The following SLC20A2 variants were observed in gnomAD, a reference collection of about 807,000 sequenced individuals.
SLC20A2 encodes sodium-dependent phosphate transporter 2.
A neutral mutation model predicts 61.0 loss-of-function variants in SLC20A2; 30 were observed. That is an observed-to-expected ratio of 0.49 (90% CI 0.37 to 0.67). SLC20A2 has a LOEUF of 0.67. Ranked by LOEUF, SLC20A2 falls within the 30% of genes least tolerant of loss-of-function variation. SLC20A2 has a pLI of 0.00. For missense variants in SLC20A2, 626 were observed against 866.4 expected (o/e 0.72, Z 3.48); for synonymous variants, 351 against 353.3 (o/e 0.99, Z 0.07).
chr8:42,452,093 G>A (rs1805750928), intron 5 of SLC20A2, among the ~76,000 whole-genome samples: 1 of 139,670 alleles, frequency 7.2e-6, no homozygotes, highest in South Asian at 2.5e-4. Context: ...AGAGGAGGAG[G>A]AAGAGATGAA....
chr8:42,436,720 G>A (rs879427810), intron 8 of SLC20A2, among the ~76,000 whole-genome samples: 1 of 152,174 alleles, frequency 6.6e-6, no homozygotes, highest in Admixed American at 6.5e-5. Flanking sequence ...CTGCACCTCC[G>A]TCACCGGCCA....
chr8:42,437,630 T>C lies in SLC20A2; in HGVS notation c.935-53A>G. On this transcript the variant is annotated intron_variant, in intron 7 of 10. Coordinates refer to ENST00000520262, the MANE Select transcript of SLC20A2 (RefSeq NM_001257180.2). This position sits in a 1 kb window ranked among gnomAD's most constrained non-coding sequence, Gnocchi z 6.4. ...TTCCAGTCTTTTTTTTTTTTTTCTT[T>C]TCTTTTTGAGACGGAGCCTTGCTCT... is the stretch of plus-strand genomic sequence containing the variant. The C allele has an allele frequency of 7.0e-7, 1 of 1,428,314 alleles. No individual in the cohort carries two copies. The highest frequency in any genetic ancestry group is 9.4e-7 in the Non-Finnish European group (1 of 1,069,400). 88.5% of individuals were successfully genotyped at this position (1,428,314 alleles called of 1,614,324 possible). A position where few individuals can be genotyped will look rare whatever the true frequency, so the allele number is the denominator to read the frequency against.
At chr8:42,441,525 G>A (rs531263214) in intron 6 of SLC20A2, among the ~76,000 whole-genome samples, 1 of 150,620 alleles carries the variant, frequency 6.6e-6, no homozygotes, top group African/African-American at 2.5e-5. Context: ...CTGGAGTGCT[G>A]TGGCGCGATC....
intron 1 of SLC20A2, among the ~76,000 whole-genome samples, chr8:42,491,234 G>A (rs886993145): frequency 6.6e-6 from 1 of 152,028 alleles, no homozygotes; most frequent in African/African-American, 2.4e-5. Context: ...ACAAAAATTG[G>A]CCGGGTATGG....
chr8:42,477,725 C>G (rs1808235659), intron 1 of SLC20A2, among the ~76,000 whole-genome samples: 1 of 151,798 alleles, frequency 6.6e-6, no homozygotes, highest in African/African-American at 2.4e-5. Context: ...CCCGCCTTGG[C>G]CTCCCAAAGT....
In SLC20A2 at chr8:42,444,668, C is replaced by T. The variant is rs565363175; in HGVS notation, c.708G>A (p.Pro236=). ...FAFFVWLFVC[P]WMRRKITGKL... ...TACCTGTTATTTTCCTCCGCATCCA[C>T]GGACACACGAAGAGCCACACAAAAA... The change falls in exon 6 of 11, where the codon CCG becomes CCA. Residue 236 remains proline (P), a synonymous_variant. Coordinates refer to ENST00000520262, the MANE Select transcript of SLC20A2 (RefSeq NM_001257180.2). 2.0e-5 allele frequency: 33 copies of T among 1,613,444 alleles called. No individual in the cohort carries two copies. Among genetic ancestry groups the T allele is most frequent in the Non-Finnish European group, 2.5e-5 (29 of 1,179,622 alleles).
intron 5 of SLC20A2, among the ~76,000 whole-genome samples, chr8:42,451,043 T>G (rs764070661): frequency 5.3e-5 from 8 of 152,060 alleles, no homozygotes; most frequent in Non-Finnish European, 1.2e-4. Context: ...GCCTTCTGAG[T>G]GCAGGGCTCC....
At chr8:42,511,006 GCT>G (rs926812131) in intron 1 of SLC20A2, among the ~76,000 whole-genome samples, 1 of 152,094 alleles carries the variant, frequency 6.6e-6, no homozygotes, top group African/African-American at 2.4e-5. Flanking sequence ...CTGTTCTGGG[GCT>G]CTGGGGCTTT....
chr8:42,444,572 T>A, intron 6 of SLC20A2, 74 bp downstream of exon 6: 2 of 1,102,412 alleles, frequency 1.8e-6, no homozygotes, highest in Non-Finnish European at 1.4e-6. Flanking sequence ...TTAGTAAGGA[T>A]CATGGCATGT....
At chr8:42,498,172 CATA>C (rs1338469276) in intron 1 of SLC20A2, among the ~76,000 whole-genome samples, 2 of 152,176 alleles carry the variant, frequency 1.3e-5, no homozygotes, top group African/African-American at 2.4e-5. Context: ...ACCCCCTCCA[CATA>C]ATAATAATAG....
intron 2 of SLC20A2, among the ~76,000 whole-genome samples, chr8:42,467,247 T>C (rs2978456): frequency 0.45 from 68,238 of 151,848 alleles, 15,632 homozygotes; most frequent in Admixed American, 0.61. Flanking sequence ...TTCCTTGTTG[T>C]TAAGAGGTTC....
At chr8:42,541,314 G>GAGCCCCGCCGGCGCCGACC (rs1350002987) in intron 1 of SLC20A2, 1 of 148,574 alleles carries the variant, frequency 6.7e-6, no homozygotes, top group Non-Finnish European at 1.5e-5. Context: ...CCGCCGCCGC[G>GAGCCCCGCCGGCGCCGACC]AGCCCCGCCG....
In SLC20A2 at chr8:42,465,756, G is replaced by T. The variant is rs144105172; in HGVS notation, c.430+21C>A. On this transcript the variant is annotated intron_variant, in intron 3 of 10. Coordinates refer to ENST00000520262, the MANE Select transcript of SLC20A2 (RefSeq NM_001257180.2). ...AAAATGTAAACTTTCCTTCTTATGG[G>T]TAAAAGAAAATGCCAATTACCAATC... The T allele has an allele frequency of 1.2e-3, 1,823 of 1,568,728 alleles. 3 individuals carry two copies. The highest frequency in any genetic ancestry group is 1.4e-3 in the Non-Finnish European group (1,686 of 1,163,064).
chr8:42,449,912 TTTTG>T (rs1805509916), intron 5 of SLC20A2, among the ~76,000 whole-genome samples: 1 of 152,246 alleles, frequency 6.6e-6, no homozygotes, highest in Non-Finnish European at 1.5e-5. Flanking sequence ...TATTCTATGC[TTTTG>T]TTTGTCACAT....
At chr8:42,440,392 G>A (rs1463936900) in intron 6 of SLC20A2, among the ~76,000 whole-genome samples, 1 of 151,962 alleles carries the variant, frequency 6.6e-6, no homozygotes, top group African/African-American at 2.4e-5. Context: ...AATAAAATAT[G>A]CGATTTTTGA....
intron 5 of SLC20A2, among the ~76,000 whole-genome samples, chr8:42,454,316 A>G (rs569025218): frequency 1.2e-3 from 188 of 152,196 alleles, no homozygotes; most frequent in African/African-American, 4.4e-3. Flanking sequence ...TTTGGTATCT[A>G]CGGAGGTCCT....
intron 3 of SLC20A2, among the ~76,000 whole-genome samples, chr8:42,464,859 T>C (rs907941157): frequency 6.6e-6 from 1 of 151,734 alleles, no homozygotes; most frequent in Non-Finnish European, 1.5e-5. Context: ...CCTGTAATCC[T>C]AGCTACTCGG....
chr8:42,537,073 T>TAAA (rs1393079378), intron 1 of SLC20A2, among the ~76,000 whole-genome samples: 1 of 130,568 alleles, frequency 7.7e-6, no homozygotes, highest in African/African-American at 2.9e-5. Context: ...GGAGTCTGTT[T>TAAA]AAAAAAAAAA....
chr8:42,504,578 T>C (rs1490021645), upstream of SLC20A2, among the ~76,000 whole-genome samples: 2 of 151,714 alleles, frequency 1.3e-5, no homozygotes, highest in African/African-American at 4.8e-5. Flanking sequence ...GCGTGGTGGC[T>C]CACGCCTGTA....
Sources: gnomAD v4.1 joint callset for allele counts (sites outside exome capture counted in the v4.1 genomes callset) on GRCh38, gnomAD v4.1.1 for gene constraint, Gnocchi (gnomAD v3.1) non-coding constraint, MANE v1.5 for transcripts, NCBI Gene and HGNC (gene_info 2026-07-23, HGNC 2026-07-21) for gene names.